GALNTL6: variants seen among roughly 807,000 people sequenced by gnomAD.
The protein encoded by GALNTL6 is polypeptide N-acetylgalactosaminyltransferase-like 6.
A neutral mutation model predicts 73.7 loss-of-function variants in GALNTL6; 46 were observed. That is an observed-to-expected ratio of 0.62 (90% CI 0.49 to 0.80). The LOEUF (loss-of-function observed/expected upper bound fraction) is 0.80. Ranked by LOEUF, GALNTL6 falls within the 30% of genes least tolerant of loss-of-function variation. The probability of loss-of-function intolerance (pLI) is 0.00; values close to 1 mark genes in which losing one functional copy is unlikely to be tolerated. For missense variants in GALNTL6, 604 were observed against 755.0 expected, an observed-to-expected ratio of 0.80 and a Z score of 2.34; for synonymous variants, 259 against 263.7, an observed-to-expected ratio of 0.98 and a Z score of 0.17.
At chr4:172,361,225 A>G (rs191243009) in intron 5 of GALNTL6, among the ~76,000 whole-genome samples, 5 of 152,256 alleles carry the variant, frequency 3.3e-5, no homozygotes, top group African/African-American at 4.8e-5. Flanking sequence ...ATCCTATACA[A>G]TAGTAAGTAT....
intron 3 of GALNTL6, among the ~76,000 whole-genome samples, chr4:172,301,901 G>C (rs1024689846): frequency 1.3e-5 from 2 of 152,196 alleles, no homozygotes; most frequent in African/African-American, 2.4e-5. Flanking sequence ...AAAGCTGTCA[G>C]ACAGGGACAT....
chr4:172,136,328 C>G (rs887809245), intron 2 of GALNTL6, among the ~76,000 whole-genome samples: 1 of 151,876 alleles, frequency 6.6e-6, no homozygotes, highest in African/African-American at 2.4e-5. Flanking sequence ...AAAAGAAAAA[C>G]CTTAAGTGAT....
intron 5 of GALNTL6, among the ~76,000 whole-genome samples, chr4:172,440,729 G>T (rs1188368070): frequency 6.6e-6 from 1 of 152,228 alleles, no homozygotes; most frequent in East Asian, 1.9e-4. Flanking sequence ...GGAGGTATAT[G>T]AGAAATCTCT....
At chr4:172,703,877 T>C (rs1734174922) in intron 5 of GALNTL6, among the ~76,000 whole-genome samples, 1 of 151,984 alleles carries the variant, frequency 6.6e-6, no homozygotes. Context: ...TCTTTATCCA[T>C]TATTGGTCTG....
intron 5 of GALNTL6, among the ~76,000 whole-genome samples, chr4:172,664,814 A>G (rs1319271886): frequency 6.6e-6 from 1 of 152,196 alleles, no homozygotes; most frequent in East Asian, 1.9e-4. Context: ...TGCAGTCAAC[A>G]ATAACCAAAA....
intron 4 of GALNTL6, among the ~76,000 whole-genome samples, chr4:172,340,693 A>T (rs1008511417): frequency 1.3e-5 from 2 of 152,230 alleles, no homozygotes; most frequent in Non-Finnish European, 2.9e-5. Context: ...GTTGGATCAG[A>T]GCTATATTTA....
chr4:172,653,380 T>TG (rs948379177), intron 5 of GALNTL6, among the ~76,000 whole-genome samples: 17 of 152,066 alleles, frequency 1.1e-4, no homozygotes, highest in African/African-American at 4.1e-4. Flanking sequence ...CCACCATACC[T>TG]GGCTAATTTT....
intron 2 of GALNTL6, among the ~76,000 whole-genome samples, chr4:171,864,389 A>T (rs1735918381): frequency 6.6e-6 from 1 of 152,154 alleles, no homozygotes; most frequent in Non-Finnish European, 1.5e-5. Context: ...AGGTATAGTG[A>T]TTAAATTCTT....
intron 2 of GALNTL6, among the ~76,000 whole-genome samples, chr4:172,216,271 A>G (rs1363985451): frequency 6.6e-6 from 1 of 151,578 alleles, no homozygotes; most frequent in Non-Finnish European, 1.5e-5. Flanking sequence ...AATCTTTACA[A>G]CTTCTTCACT....
intron 2 of GALNTL6, among the ~76,000 whole-genome samples, chr4:172,221,035 G>T (rs1415490054): frequency 6.6e-6 from 1 of 151,782 alleles, no homozygotes; most frequent in Non-Finnish European, 1.5e-5. Context: ...ATACTCAGTT[G>T]TGATTCTGGT....
At chr4:172,556,546 A>T (rs1472012496) in intron 5 of GALNTL6, among the ~76,000 whole-genome samples, 1 of 152,088 alleles carries the variant, frequency 6.6e-6, no homozygotes, top group Non-Finnish European at 1.5e-5. Context: ...ATAAAAAATT[A>T]TGAGTTGGTT....
At chr4:172,855,580 G>A (rs1441891501) in intron 7 of GALNTL6, among the ~76,000 whole-genome samples, 3 of 152,092 alleles carry the variant, frequency 2.0e-5, no homozygotes, top group African/African-American at 4.8e-5. Flanking sequence ...CTGATTTCTC[G>A]GTTCTCCTGG....
At chr4:172,561,284 A>T (rs1335978534) in intron 5 of GALNTL6, among the ~76,000 whole-genome samples, 3 of 150,868 alleles carry the variant, frequency 2.0e-5, no homozygotes, top group Non-Finnish European at 3.0e-5. Context: ...AAAAAAAAAA[A>T]ATATTGCCCA....
At chr4:172,894,096 T>C (rs1561018892) in intron 8 of GALNTL6, among the ~76,000 whole-genome samples, 1 of 152,224 alleles carries the variant, frequency 6.6e-6, no homozygotes, top group African/African-American at 2.4e-5. Flanking sequence ...AGTGTGATGG[T>C]TTACTCAATA....
chr4:172,069,968 A>G (rs1158237272), intron 2 of GALNTL6, among the ~76,000 whole-genome samples: 1 of 108,204 alleles, frequency 9.2e-6, no homozygotes, highest in Non-Finnish European at 2.0e-5. Flanking sequence ...GGTAATAGAA[A>G]AAGGGTGAAC....
intron 7 of GALNTL6, among the ~76,000 whole-genome samples, chr4:172,814,972 A>G (rs1051332747): frequency 1.1e-4 from 16 of 152,202 alleles, no homozygotes; most frequent in African/African-American, 3.6e-4. Context: ...GACCTTTGTT[A>G]CTTCCTCAAA....
intron 2 of GALNTL6, among the ~76,000 whole-genome samples, chr4:172,127,368 G>C (rs1282173366): frequency 6.6e-6 from 1 of 152,212 alleles, no homozygotes; most frequent in Non-Finnish European, 1.5e-5. Context: ...CATCCAGCCT[G>C]CCACTACCAC....
intron 5 of GALNTL6, among the ~76,000 whole-genome samples, chr4:172,749,237 A>AT (rs1350113199): frequency 6.6e-6 from 1 of 152,116 alleles, no homozygotes; most frequent in East Asian, 1.9e-4. Context: ...GAGACCTTCT[A>AT]TTATGTTTAT....
rs368778551 is a variant in GALNTL6, at chr4:172,923,473, G to A, written c.1042-7688G>A. Among the ~76,000 whole-genome samples the A allele has an allele frequency of 2.9e-4, 44 of 152,194 alleles. No homozygotes were observed. The South Asian group carries it at 3.9e-3, about 14-fold the overall frequency. On this transcript the variant is annotated intron_variant, in intron 8 of 12. Transcript: ENST00000506823. ...AGCTACAATTCAAGATGAGATTTGG[G>A]TGGGGACACAGGAAACCATATCAGA...
Sources: gnomAD v4.1 joint callset for allele counts (sites outside exome capture counted in the v4.1 genomes callset) on GRCh38, gnomAD v4.1.1 for gene constraint, MANE v1.5 for transcripts, NCBI Gene and HGNC (gene_info 2026-07-23, HGNC 2026-07-21) for gene names.